RANBP2: variants seen among roughly 807,000 people sequenced by gnomAD.
The protein encoded by RANBP2 is E3 SUMO-protein ligase RanBP2.
Under a neutral mutation model 303.6 loss-of-function variants are expected in RANBP2, and 57 were observed. That is an observed-to-expected ratio of 0.19 (90% CI 0.15 to 0.23). The LOEUF is 0.23. Among genes scored for constraint, RANBP2 ranks in the 10% least tolerant of loss-of-function variants. The pLI is 1.00. For synonymous variants in RANBP2, 1,167 were observed against 1,301.5 expected (o/e 0.90, Z 2.23); for missense variants, 3,138 against 3,780.8 (o/e 0.83, Z 4.46).
At chr2:109,023,362 T>C in the RANBP2 span, among the ~76,000 whole-genome samples, 1 of 152,250 alleles carries the variant, frequency 6.6e-6, no homozygotes, top group African/African-American at 2.4e-5. Flanking sequence ...TTGCTCTTTT[T>C]CTAATTACAA....
At position 108,764,800 on chromosome 2, in the gene RANBP2, T is replaced by G; in HGVS notation, c.4261T>G (p.Cys1421Gly). 6.2e-7 allele frequency: 1 copy of G among 1,614,098 alleles called. No homozygotes were observed. The highest frequency in any genetic ancestry group is 8.5e-7 in the Non-Finnish European group (1 of 1,179,984). Residue 1421 changes from cysteine to glycine, a missense_variant, in exon 20 of 29, where the codon TGT (cysteine) becomes GGT (glycine). Physicochemically the swap from Cys to Gly is radical, Grantham distance 159. Transcript: ENST00000283195. ...VTPKKEGHWDCSICLVRNEPT... is the reference protein window; with the variant it reads ...VTPKKEGHWDGSICLVRNEPT... Reference sequence around the variant, plus strand: ...TCCAAAGAAAGAAGGTCACTGGGATTGTAGTATTTGTTTAGTAAGAAATGA... The same window carrying G: ...TCCAAAGAAAGAAGGTCACTGGGATGGTAGTATTTGTTTAGTAAGAAATGA...
the RANBP2 span, among the ~76,000 whole-genome samples, chr2:108,810,404 C>T: frequency 3.3e-5 from 5 of 152,076 alleles, no homozygotes; most frequent in East Asian, 1.9e-4. Context: ...TTGAAATGAT[C>T]GTAAGGTAAT....
chr2:109,249,532 TTTCCTTCCTTCC>T, the RANBP2 span, among the ~76,000 whole-genome samples: 596 of 96,416 alleles, frequency 6.2e-3, 5 homozygotes, highest in Non-Finnish European at 9.2e-3. Context: ...TCTTTCTTTC[TTTCCTTCCTTCC>T]TTCCTTCCTT....
the RANBP2 span, among the ~76,000 whole-genome samples, chr2:109,159,338 C>T: frequency 6.6e-6 from 1 of 152,212 alleles, no homozygotes; most frequent in African/African-American, 2.4e-5. Flanking sequence ...GAGGGTGCTG[C>T]CTGCCCTGCC....
the RANBP2 span, among the ~76,000 whole-genome samples, chr2:109,733,518 G>T: frequency 1.3e-4 from 20 of 152,062 alleles, no homozygotes; most frequent in Non-Finnish European, 1.3e-4. Flanking sequence ...CAAGGGACAA[G>T]AAAAAGATTC....
chr2:109,373,943 G>A, the RANBP2 span, among the ~76,000 whole-genome samples: 1 of 151,750 alleles, frequency 6.6e-6, no homozygotes, highest in South Asian at 2.1e-4. Context: ...ACCCAGTCCA[G>A]CAGGCTCTCT....
At chr2:109,574,853 T>G in the RANBP2 span, 108 of 881,728 alleles carry the variant, frequency 1.2e-4, 1 homozygote, top group Admixed American at 4.0e-4. Context: ...GAGGTCTATA[T>G]TTTCACTAAT....
At chr2:109,400,358 C>A in the RANBP2 span, among the ~76,000 whole-genome samples, 1 of 152,024 alleles carries the variant, frequency 6.6e-6, no homozygotes, top group African/African-American at 2.4e-5. Context: ...TTACATACAC[C>A]GCCATCCACA....
the RANBP2 span, among the ~76,000 whole-genome samples, chr2:108,981,009 C>G: frequency 6.6e-6 from 1 of 152,160 alleles, no homozygotes; most frequent in African/African-American, 2.4e-5. Flanking sequence ...AGAGGTTGAG[C>G]TGACCCGTTA....
chr2:109,259,412 A>G, the RANBP2 span, among the ~76,000 whole-genome samples: 1 of 151,928 alleles, frequency 6.6e-6, no homozygotes, highest in African/African-American at 2.4e-5. Flanking sequence ...CTCCAGGTCT[A>G]CTCTGTTGTG....
chr2:109,268,790 A>G, the RANBP2 span, among the ~76,000 whole-genome samples: 1 of 152,124 alleles, frequency 6.6e-6, no homozygotes, highest in African/African-American at 2.4e-5. Flanking sequence ...CTATAGGCTA[A>G]TGTGCGTGTT....
the RANBP2 span, among the ~76,000 whole-genome samples, chr2:109,038,529 T>A: frequency 4.0e-5 from 6 of 151,864 alleles, no homozygotes; most frequent in African/African-American, 1.2e-4. Context: ...TATATTAAAA[T>A]TAAAAATAAA....
At chr2:108,942,872 A>AT in the RANBP2 span, among the ~76,000 whole-genome samples, 1 of 152,088 alleles carries the variant, frequency 6.6e-6, no homozygotes, top group African/African-American at 2.4e-5. Context: ...AGCGGGTAGG[A>AT]TTTTTGTTTG....
At chr2:108,927,936 C>G in the RANBP2 span, among the ~76,000 whole-genome samples, 2 of 152,172 alleles carry the variant, frequency 1.3e-5, no homozygotes, top group Non-Finnish European at 2.9e-5. Flanking sequence ...ATCTGCACCC[C>G]TGGTCAGTGC....
chr2:109,164,912 C>G, the RANBP2 span, among the ~76,000 whole-genome samples: 1 of 152,248 alleles, frequency 6.6e-6, no homozygotes, highest in South Asian at 2.1e-4. Context: ...GGTCATGACA[C>G]TACAACTGGA....
chr2:109,561,960 A>G, the RANBP2 span, among the ~76,000 whole-genome samples: 3 of 151,938 alleles, frequency 2.0e-5, no homozygotes, highest in Non-Finnish European at 4.4e-5. Flanking sequence ...GGGTTTCAAG[A>G]CCCCAGGAAT....
the RANBP2 span, among the ~76,000 whole-genome samples, chr2:109,648,048 A>C: frequency 6.6e-6 from 1 of 152,144 alleles, no homozygotes; most frequent in Non-Finnish European, 1.5e-5. Context: ...ACACATTAGG[A>C]GGGGTTACAG....
chr2:108,794,622 C>T, the RANBP2 span: 4 of 1,613,986 alleles, frequency 2.5e-6, no homozygotes, highest in Non-Finnish European at 3.4e-6. Flanking sequence ...TGAAACCTGT[C>T]AGCTGTCCAA....
At chr2:108,918,136 G>A in the RANBP2 span, among the ~76,000 whole-genome samples, 2 of 152,192 alleles carry the variant, frequency 1.3e-5, no homozygotes, top group Non-Finnish European at 2.9e-5. Flanking sequence ...TTCCCACCAT[G>A]TCCACTCCTT....
Sources: allele counts gnomAD v4.1 joint callset (sites outside exome capture counted in the v4.1 genomes callset), GRCh38; gene constraint gnomAD v4.1.1; transcripts MANE v1.5; gene names NCBI Gene and HGNC (gene_info 2026-07-23, HGNC 2026-07-21).